The following ROR2 variants were observed in gnomAD, a reference collection of about 807,000 sequenced individuals.
The protein encoded by ROR2 is tyrosine-protein kinase transmembrane receptor ROR2.
In ROR2, 33 loss-of-function variants were observed where a neutral mutation model predicts 74.9. The observed-to-expected ratio is 0.44, with a 90% CI of 0.33 to 0.59. ROR2 has a LOEUF of 0.59. Among genes scored for constraint, ROR2 ranks in the 20% least tolerant of loss-of-function variants. The pLI is 0.02. For missense variants in ROR2, 1,216 were observed against 1,313.8 expected, an observed-to-expected ratio of 0.93 and a Z score of 1.15; for synonymous variants, 586 against 558.7, an observed-to-expected ratio of 1.05 and a Z score of -0.69.
At chr9:91,726,870 C>T (rs569282730) in intron 7 of ROR2, 127 bp from the exon 8 acceptor site, 3 of 863,740 alleles carry the variant, frequency 3.5e-6, no homozygotes, top group Non-Finnish European at 5.7e-6. Flanking sequence ...CTAAGTTACA[C>T]AATGGGGTAA....
At chr9:91,862,541 A>G (rs959154824) in intron 1 of ROR2, among the ~76,000 whole-genome samples, 2 of 152,194 alleles carry the variant, frequency 1.3e-5, no homozygotes, top group Non-Finnish European at 2.9e-5. Context: ...ACATGCCAGT[A>G]GTCCCAGCTA....
chr9:91,906,940 C>T (rs1471668630), intron 1 of ROR2, among the ~76,000 whole-genome samples: 8 of 152,098 alleles, frequency 5.3e-5, no homozygotes, highest in Admixed American at 5.2e-4. Context: ...TTTAAGTGGA[C>T]GGTTTGGTGG....
intron 2 of ROR2, among the ~76,000 whole-genome samples, chr9:91,767,191 C>T (rs12235611): frequency 0.096 from 14,659 of 151,992 alleles, 1,012 homozygotes; most frequent in East Asian, 0.26. Context: ...TCTCCTGCCT[C>T]AGCCTCCCGA....
intron 1 of ROR2, among the ~76,000 whole-genome samples, chr9:91,858,571 C>T (rs1305418614): frequency 6.6e-6 from 1 of 152,186 alleles, no homozygotes; most frequent in Non-Finnish European, 1.5e-5. Context: ...ACTTAACAAG[C>T]CTTCTGGGCT....
intron 1 of ROR2, among the ~76,000 whole-genome samples, chr9:91,784,321 C>T (rs1364026336): frequency 2.0e-5 from 3 of 152,272 alleles, no homozygotes; most frequent in South Asian, 2.1e-4. Flanking sequence ...ATGCTGTGGG[C>T]GACTGCAGCA....
intron 3 of ROR2, among the ~76,000 whole-genome samples, chr9:91,756,513 CAG>C (rs1470270097): frequency 6.6e-6 from 1 of 152,060 alleles, no homozygotes; most frequent in Non-Finnish European, 1.5e-5. Context: ...GTGACGAGCA[CAG>C]AGACTCAGAA....
chr9:91,906,696 T>C (rs1477959417), intron 1 of ROR2, among the ~76,000 whole-genome samples: 1 of 152,248 alleles, frequency 6.6e-6, no homozygotes, highest in Non-Finnish European at 1.5e-5. Context: ...TTTTGGTCTT[T>C]ATTTTCTATT....
chr9:91,805,495 G>A (rs1333937814), intron 1 of ROR2, among the ~76,000 whole-genome samples: 1 of 152,122 alleles, frequency 6.6e-6, no homozygotes, highest in African/African-American at 2.4e-5. Context: ...CTACTTCTCA[G>A]CTAGAGCAGG....
chr9:91,903,712 C>T (rs1247046218), intron 1 of ROR2, among the ~76,000 whole-genome samples: 5 of 152,094 alleles, frequency 3.3e-5, no homozygotes, highest in East Asian at 1.9e-4. Flanking sequence ...GGTGAGCATT[C>T]GACAACTCTG....
In ROR2 at chr9:91,831,964, G is replaced by A. The variant is rs142413947; in HGVS notation, c.98-56146C>T. Among the ~76,000 whole-genome samples, 104 of 152,296 alleles carry A rather than the reference G, an allele frequency of 6.8e-4. 1 individual carries two copies. In the East Asian group the frequency reaches 0.02, roughly 29 times the overall value. The stretch of plus-strand genomic sequence containing the variant: ...TGACCTAAGAAAGAAGTCCAAGTCA[G>A]AGAGCCCCAGACCAACGGGTGCCTC... On this transcript the variant is annotated intron_variant, in intron 1 of 8. Transcript: ENST00000375708.
intron 1 of ROR2, among the ~76,000 whole-genome samples, chr9:91,812,071 A>AT (rs1025557889): frequency 1.3e-5 from 2 of 152,058 alleles, no homozygotes; most frequent in Non-Finnish European, 1.5e-5. Flanking sequence ...CAAAAAAAAA[A>AT]AAAAAATCTT....
At position 91,733,484 on chromosome 9, in the gene ROR2, C is replaced by A; in HGVS notation, c.623-48G>T. 6.4e-7 allele frequency: 1 copy of A among 1,570,196 alleles called. No individual in the cohort carries two copies. The highest frequency in any genetic ancestry group is 8.6e-7 in the Non-Finnish European group (1 of 1,161,082). On this transcript the variant is annotated intron_variant, in intron 5 of 8. Coordinates refer to ENST00000375708, the MANE Select transcript of ROR2 (RefSeq NM_004560.4). The surrounding 1 kb of genome is among the most constrained non-coding windows in gnomAD (Gnocchi z 5.7). Reference sequence around the variant, plus strand: ...GTTAGCGGGGGACCCACCTTGCGCCCTTGACATTCATCCAGTCCCCACCCC... The same window carrying A: ...GTTAGCGGGGGACCCACCTTGCGCCATTGACATTCATCCAGTCCCCACCCC...
At chr9:91,742,728 T>A (rs552872139) in intron 4 of ROR2, among the ~76,000 whole-genome samples, 2 of 152,290 alleles carry the variant, frequency 1.3e-5, no homozygotes, top group East Asian at 3.9e-4. Context: ...CCTAAATGTA[T>A]AGCGTTTACA....
intron 2 of ROR2, among the ~76,000 whole-genome samples, chr9:91,763,220 G>A (rs973940157): frequency 3.3e-5 from 5 of 152,144 alleles, no homozygotes; most frequent in African/African-American, 4.8e-5. Flanking sequence ...TACCTATTGG[G>A]TACTATGCTC....
chr9:91,750,018 C>T lies in ROR2; in HGVS notation c.494+6053G>A, dbSNP rs56317166. Among the ~76,000 whole-genome samples the T allele has an allele frequency of 4.9e-3, 748 of 152,280 alleles. 7 individuals carry two copies. Among genetic ancestry groups the T allele is most frequent in the Non-Finnish European group, 6.9e-3 (468 of 68,026 alleles). ...CCAGGTTCAAGCAATTCTCCTGTCT[C>T]CGCCTCCCAAGTAGCTGGAATTACA... On this transcript the variant is annotated intron_variant, in intron 4 of 8. Transcript: ENST00000375708.
At chr9:91,853,475 A>G (rs559630061) in intron 1 of ROR2, among the ~76,000 whole-genome samples, 1 of 152,264 alleles carries the variant, frequency 6.6e-6, no homozygotes, top group South Asian at 2.1e-4. Context: ...GTACTGTGAC[A>G]AGTCAAGTTG....
intron 2 of ROR2, among the ~76,000 whole-genome samples, chr9:91,768,654 A>T (rs1587701382): frequency 6.6e-6 from 1 of 151,670 alleles, no homozygotes; most frequent in Non-Finnish European, 1.5e-5. Context: ...GGAGAAAGAC[A>T]GGGGCTGATC....
intron 1 of ROR2, among the ~76,000 whole-genome samples, chr9:91,883,617 A>G (rs1448719433): frequency 2.0e-5 from 3 of 152,216 alleles, no homozygotes; most frequent in Non-Finnish European, 4.4e-5. Flanking sequence ...GAACATTTCT[A>G]TCATTGTAGA....
chr9:91,783,252 A>T (rs1446273496), intron 1 of ROR2, among the ~76,000 whole-genome samples: 1 of 152,198 alleles, frequency 6.6e-6, no homozygotes, highest in African/African-American at 2.4e-5. Context: ...TCTGAGACAC[A>T]GAGGACTAGG....
Sources: gnomAD v4.1 joint callset for allele counts (sites outside exome capture counted in the v4.1 genomes callset) on GRCh38, gnomAD v4.1.1 for gene constraint, Gnocchi (gnomAD v3.1) non-coding constraint, MANE v1.5 for transcripts, NCBI Gene and HGNC (gene_info 2026-07-23, HGNC 2026-07-21) for gene names.